FAF1: variants seen among roughly 807,000 people sequenced by gnomAD.
The protein encoded by FAF1 is Fas associated factor 1, also known as FAS-associated factor 1.
A neutral mutation model predicts 92.5 loss-of-function variants in FAF1; 25 were observed. That is an observed-to-expected ratio of 0.27 (90% CI 0.20 to 0.38). The LOEUF (loss-of-function observed/expected upper bound fraction) is 0.38. Among genes scored for constraint, FAF1 ranks in the 10% least tolerant of loss-of-function variants. The pLI, the probability that FAF1 is intolerant of heterozygous loss-of-function variation, is 1.00. For missense variants in FAF1, 636 were observed against 793.3 expected (o/e 0.80, Z 2.38); for synonymous variants, 234 against 273.2 (o/e 0.86, Z 1.42).
intron 17 of FAF1, among the ~76,000 whole-genome samples, chr1:50,476,749 A>T (rs562534913): frequency 7.9e-5 from 12 of 152,330 alleles, no homozygotes; most frequent in Middle Eastern, 3.4e-3. Flanking sequence ...TAGATTTTAA[A>T]AGCTAAATTA....
chr1:50,517,559 T>A (rs547531560), intron 15 of FAF1, among the ~76,000 whole-genome samples: 1 of 152,308 alleles, frequency 6.6e-6, no homozygotes, highest in South Asian at 2.1e-4. Flanking sequence ...AATTGGAAAC[T>A]GGCAATAGGT....
At chr1:50,918,349 G>C (rs12741989) in intron 1 of FAF1, among the ~76,000 whole-genome samples, 2 of 91,518 alleles carry the variant, frequency 2.2e-5, no homozygotes, top group African/African-American at 4.4e-5. Context: ...CCCCTCCCCC[G>C]ACCCCACCAC....
At chr1:50,737,809 G>T (rs1008241395) in intron 6 of FAF1, among the ~76,000 whole-genome samples, 58 of 152,016 alleles carry the variant, frequency 3.8e-4, no homozygotes, top group African/African-American at 1.3e-3. Context: ...GGCAAGTGGT[G>T]GGGGGAAAGC....
At chr1:50,558,712 A>G (rs1649718181) in intron 13 of FAF1, among the ~76,000 whole-genome samples, 1 of 152,238 alleles carries the variant, frequency 6.6e-6, no homozygotes, top group East Asian at 1.9e-4. Flanking sequence ...AACAGTTTTC[A>G]TAGGCTATTT....
chr1:50,710,899 G>A (rs1376125478), intron 6 of FAF1, among the ~76,000 whole-genome samples: 1 of 146,330 alleles, frequency 6.8e-6, no homozygotes, highest in Non-Finnish European at 1.5e-5. Flanking sequence ...ACCGAGCCCG[G>A]CCAAGTGGCA....
At chr1:50,488,934 C>A (rs1240582858) in intron 17 of FAF1, among the ~76,000 whole-genome samples, 1 of 152,154 alleles carries the variant, frequency 6.6e-6, no homozygotes. Context: ...GGCATAATAT[C>A]TTGTATATAT....
chr1:50,729,904 C>T (rs980899380), intron 6 of FAF1, among the ~76,000 whole-genome samples: 4 of 152,026 alleles, frequency 2.6e-5, no homozygotes, highest in African/African-American at 7.2e-5. Context: ...GCCTGTAGTC[C>T]CAGCTACTCA....
intron 8 of FAF1, among the ~76,000 whole-genome samples, chr1:50,639,497 G>C (rs1654217625): frequency 6.6e-6 from 1 of 152,140 alleles, no homozygotes; most frequent in Admixed American, 6.5e-5. Flanking sequence ...TCTTAGTTTT[G>C]TTAATGAAAT....
At chr1:50,760,272 G>C (rs1022061634) in intron 4 of FAF1, among the ~76,000 whole-genome samples, 2 of 152,138 alleles carry the variant, frequency 1.3e-5, no homozygotes. Context: ...ACATTAGACA[G>C]ATCAACGAGA....
At chr1:50,604,218 A>G (rs970397557) in intron 8 of FAF1, among the ~76,000 whole-genome samples, 1 of 152,140 alleles carries the variant, frequency 6.6e-6, no homozygotes, top group African/African-American at 2.4e-5. Flanking sequence ...TGCTACTGCC[A>G]TATCTTCCAC....
At chr1:50,894,973 C>T (rs2124704035) in intron 1 of FAF1, among the ~76,000 whole-genome samples, 1 of 152,006 alleles carries the variant, frequency 6.6e-6, no homozygotes, top group East Asian at 1.9e-4. Context: ...TCTTAAAGAA[C>T]TGGAAAAATA....
intron 17 of FAF1, among the ~76,000 whole-genome samples, chr1:50,484,870 C>T (rs1398797195): frequency 2.0e-5 from 3 of 146,604 alleles, no homozygotes; most frequent in Non-Finnish European, 4.4e-5. Context: ...TAACCAAACA[C>T]CACATGTTCT....
intron 4 of FAF1, among the ~76,000 whole-genome samples, chr1:50,759,275 T>C (rs1030754885): frequency 1.1e-4 from 16 of 150,546 alleles, no homozygotes; most frequent in African/African-American, 3.9e-4. Flanking sequence ...GCATTAGGTA[T>C]ATCTCCTAAA....
At chr1:50,886,523 C>T (rs1557574904) in intron 1 of FAF1, among the ~76,000 whole-genome samples, 1 of 151,896 alleles carries the variant, frequency 6.6e-6, no homozygotes, top group South Asian at 2.1e-4. Context: ...TGCTATCCCT[C>T]CCCACTCCCC....
chr1:50,682,135 G>A (rs1327930045), intron 7 of FAF1, among the ~76,000 whole-genome samples: 1 of 152,038 alleles, frequency 6.6e-6, no homozygotes, highest in Non-Finnish European at 1.5e-5. Context: ...ACACTTGGCA[G>A]TATTTCAATG....
chr1:50,560,115 TG>T (rs34996090), intron 13 of FAF1, among the ~76,000 whole-genome samples: 2 of 152,086 alleles, frequency 1.3e-5, no homozygotes, highest in Admixed American at 6.6e-5. Context: ...CCAGATCAAA[TG>T]GAAGTGTAGG....
At chr1:50,480,722 A>C (rs1001475368) in intron 17 of FAF1, among the ~76,000 whole-genome samples, 1 of 152,170 alleles carries the variant, frequency 6.6e-6, no homozygotes, top group African/African-American at 2.4e-5. Flanking sequence ...GGAGCTGAAA[A>C]ATTCCTATTG....
chr1:50,692,069 A>T (rs1180498669), intron 7 of FAF1, among the ~76,000 whole-genome samples: 1 of 152,134 alleles, frequency 6.6e-6, no homozygotes, highest in Non-Finnish European at 1.5e-5. Flanking sequence ...TACAAAAATT[A>T]GCTGGGCATT....
At chr1:50,473,263 G>A (rs1186202731) in intron 18 of FAF1, among the ~76,000 whole-genome samples, 1 of 151,978 alleles carries the variant, frequency 6.6e-6, no homozygotes, top group Non-Finnish European at 1.5e-5. Flanking sequence ...AAAAAGCCTA[G>A]CTCCTTTTAA....
Sources: gnomAD v4.1 joint callset for allele counts (sites outside exome capture counted in the v4.1 genomes callset) on GRCh38, gnomAD v4.1.1 for gene constraint, MANE v1.5 for transcripts, NCBI Gene and HGNC (gene_info 2026-07-23, HGNC 2026-07-21) for gene names.